The following GLRA3 variants were observed in gnomAD, a reference collection of about 807,000 sequenced individuals.
GLRA3 encodes the protein glycine receptor alpha 3.
In GLRA3, 44 loss-of-function variants were observed where a neutral mutation model predicts 60.4. That is an observed-to-expected ratio of 0.73 (90% CI 0.57 to 0.94). GLRA3 has a LOEUF of 0.94. Ranked by LOEUF, GLRA3 falls within the 40% of genes least tolerant of loss-of-function variation. GLRA3 has a pLI of 0.00. For missense variants in GLRA3, 508 were observed against 564.6 expected, an observed-to-expected ratio of 0.90 and a Z score of 1.02; for synonymous variants, 223 against 192.9, an observed-to-expected ratio of 1.16 and a Z score of -1.29.
At chr4:174,792,456 C>T (rs1739390857) in intron 1 of GLRA3, among the ~76,000 whole-genome samples, 1 of 152,010 alleles carries the variant, frequency 6.6e-6, no homozygotes, top group Admixed American at 6.6e-5. Flanking sequence ...AGGTAACAGA[C>T]CTTACCTCCA....
At chr4:174,827,715 T>C (rs1741034105) in intron 1 of GLRA3, among the ~76,000 whole-genome samples, 1 of 151,990 alleles carries the variant, frequency 6.6e-6, no homozygotes, top group Non-Finnish European at 1.5e-5. Flanking sequence ...ATGAAAATAA[T>C]ATAACTTTCT....
At chr4:174,685,336 CCACT>C in intron 5 of GLRA3, among the ~76,000 whole-genome samples, 1 of 152,280 alleles carries the variant, frequency 6.6e-6, no homozygotes, top group East Asian at 1.9e-4. Context: ...CTCACACCGT[CCACT>C]CTACAGGCAG....
intron 4 of GLRA3, among the ~76,000 whole-genome samples, chr4:174,721,218 G>A (rs1052080905): frequency 6.6e-6 from 1 of 151,900 alleles, no homozygotes; most frequent in Non-Finnish European, 1.5e-5. Flanking sequence ...TAGTAGAGAC[G>A]GGGTTTCACC....
intron 3 of GLRA3, among the ~76,000 whole-genome samples, chr4:174,756,246 CAT>C (rs1482199549): frequency 2.0e-5 from 3 of 152,106 alleles, no homozygotes; most frequent in African/African-American, 7.2e-5. Context: ...ACACTTTCAA[CAT>C]AGTTTTAGGA....
At chr4:174,743,280 A>C (rs1298065365) in intron 3 of GLRA3, among the ~76,000 whole-genome samples, 1 of 152,220 alleles carries the variant, frequency 6.6e-6, no homozygotes, top group African/African-American at 2.4e-5. Context: ...AAATTAAAGA[A>C]TCTAATATCC....
chr4:174,684,873 G>A (rs182643409), intron 5 of GLRA3, among the ~76,000 whole-genome samples: 1 of 152,250 alleles, frequency 6.6e-6, no homozygotes, highest in African/African-American at 2.4e-5. Context: ...GCCGGGCGTG[G>A]TGGTGGGCAC....
At chr4:174,805,739 T>C (rs1740021639) in intron 1 of GLRA3, among the ~76,000 whole-genome samples, 1 of 152,126 alleles carries the variant, frequency 6.6e-6, no homozygotes, top group Non-Finnish European at 1.5e-5. Flanking sequence ...TGCATAATAA[T>C]AAAACAGGTT....
chr4:174,784,725 C>G (rs180687576), intron 2 of GLRA3, among the ~76,000 whole-genome samples: 2 of 152,180 alleles, frequency 1.3e-5, no homozygotes, highest in East Asian at 3.9e-4. Flanking sequence ...TAGCAGCTCT[C>G]AGAACATTTC....
Position 174,716,632 on chromosome 4 carries a change from G to A in GLRA3, c.492-1062C>T, listed in dbSNP as rs74963654. Among the ~76,000 whole-genome samples the A allele has an allele frequency of 7.2e-3, 1,094 of 152,180 alleles. 12 individuals are homozygous for A. The highest frequency in any genetic ancestry group is 0.025 in the African/African-American group (1,033 of 41,518). On this transcript the variant is annotated intron_variant, in intron 4 of 9. Transcript: ENST00000274093. ...AGGTGGATTAGTTTACTTAAACTTC[G>A]TGACCCTAGGCAGATTACTTCAAAT...
chr4:174,785,896 A>G (rs1021456190), intron 2 of GLRA3, among the ~76,000 whole-genome samples: 3 of 151,408 alleles, frequency 2.0e-5, no homozygotes, highest in Non-Finnish European at 4.4e-5. Flanking sequence ...CAGCCTCCCA[A>G]GAAGCCAGGA....
chr4:174,734,014 A>T (rs1736667639), intron 3 of GLRA3, among the ~76,000 whole-genome samples: 1 of 151,360 alleles, frequency 6.6e-6, no homozygotes, highest in Non-Finnish European at 1.5e-5. Flanking sequence ...AAAACAATAG[A>T]CTTTCTTTTT....
intron 1 of GLRA3, among the ~76,000 whole-genome samples, chr4:174,792,933 G>T (rs1416996137): frequency 6.6e-6 from 1 of 152,128 alleles, no homozygotes; most frequent in Non-Finnish European, 1.5e-5. Flanking sequence ...ATTGGTTTAC[G>T]TTGTCACCAC....
At chr4:174,789,016 ATAG>A in intron 1 of GLRA3, 73 bp from the exon 2 acceptor site, 3 of 958,802 alleles carry the variant, frequency 3.1e-6, no homozygotes, top group Middle Eastern at 4.4e-4. Context: ...CAAATATAAA[ATAG>A]AAATGCTGAG....
intron 1 of GLRA3, among the ~76,000 whole-genome samples, chr4:174,826,814 T>C (rs1413044269): frequency 6.6e-6 from 1 of 151,760 alleles, no homozygotes; most frequent in Non-Finnish European, 1.5e-5. Flanking sequence ...AATTAGAGAA[T>C]AAAGAATCAT....
At chr4:174,735,701 C>T (rs1400464593) in intron 3 of GLRA3, among the ~76,000 whole-genome samples, 3 of 152,106 alleles carry the variant, frequency 2.0e-5, no homozygotes, top group African/African-American at 4.8e-5. Context: ...GCTGGGGTTA[C>T]AGGCACCTGC....
intron 1 of GLRA3, among the ~76,000 whole-genome samples, chr4:174,798,443 CAATGTAGGGAG>C (rs1475009258): frequency 1.3e-5 from 2 of 152,122 alleles, no homozygotes; most frequent in Non-Finnish European, 2.9e-5. Flanking sequence ...CCCTATGCTT[CAATGTAGGGAG>C]AACTAAAGAG....
chr4:174,703,031 C>A (rs1313669182), intron 5 of GLRA3, among the ~76,000 whole-genome samples: 1 of 152,088 alleles, frequency 6.6e-6, no homozygotes, highest in African/African-American at 2.4e-5. Flanking sequence ...TTGCTTTTTG[C>A]AAATCTGCAT....
chr4:174,785,163 G>A (rs1340863515), intron 2 of GLRA3, among the ~76,000 whole-genome samples: 5 of 151,948 alleles, frequency 3.3e-5, no homozygotes, highest in Non-Finnish European at 5.9e-5. Context: ...TTTTTAAAGT[G>A]TACTTTTTAA....
intron 4 of GLRA3, among the ~76,000 whole-genome samples, chr4:174,719,847 T>C (rs1014771289): frequency 3.9e-5 from 6 of 152,218 alleles, no homozygotes; most frequent in African/African-American, 1.4e-4. Flanking sequence ...ATGCATTTTA[T>C]AGCATTGTAA....
Sources: gnomAD v4.1 joint callset for allele counts (sites outside exome capture counted in the v4.1 genomes callset) on GRCh38, gnomAD v4.1.1 for gene constraint, MANE v1.5 for transcripts, NCBI Gene and HGNC (gene_info 2026-07-23, HGNC 2026-07-21) for gene names.